The following MGAT4C variants were observed in gnomAD, a reference collection of about 807,000 sequenced individuals.
The protein encoded by MGAT4C is MGAT4 family member C.
MGAT4C carries 19 observed loss-of-function variants against 40.1 expected under a neutral mutation model. The ratio of observed to expected loss-of-function variants is 0.47; its 90% CI spans 0.33 to 0.70. The LOEUF (loss-of-function observed/expected upper bound fraction) is 0.70, where lower values mean the gene tolerates loss of function less well. Among genes scored for constraint, MGAT4C ranks in the 30% least tolerant of loss-of-function variants. MGAT4C has a pLI of 0.02. For missense variants in MGAT4C, 491 were observed against 563.2 expected (o/e 0.87, Z 1.30); for synonymous variants, 181 against 187.1 (o/e 0.97, Z 0.27).
At chr12:86,158,235 T>A (rs1885193924) in intron 1 of MGAT4C, among the ~76,000 whole-genome samples, 1 of 152,152 alleles carries the variant, frequency 6.6e-6, no homozygotes, top group East Asian at 1.9e-4. Flanking sequence ...ATTAATGTAG[T>A]CTATGTCCTA....
chr12:86,443,205 TAC>T lies in MGAT4C; in HGVS notation c.-228-7942_-228-7941del, dbSNP rs199586329. On this transcript the variant is annotated intron_variant, in intron 2 of 7. Transcript: ENST00000548651. ...ATATATGTGTGTGTGTGTATATATATACACACACACACACACATATATACACA... is the reference window on the plus strand; with the variant it reads ...ATATATGTGTGTGTGTGTATATATATACACACACACACACATATATACACA... 8.5e-4 allele frequency among the ~76,000 whole-genome samples: 128 copies of T among 150,350 alleles called. 1 individual carries two copies. In the East Asian group the frequency reaches 0.015, roughly 17 times the overall value.
chr12:86,576,854 T>C (rs1960580646), intron 2 of MGAT4C, among the ~76,000 whole-genome samples: 1 of 151,902 alleles, frequency 6.6e-6, no homozygotes, highest in South Asian at 2.1e-4. Context: ...TCTATTTCTA[T>C]AAAGAATATC....
chr12:86,673,431 C>T (rs1964311461), intron 2 of MGAT4C, among the ~76,000 whole-genome samples: 1 of 152,094 alleles, frequency 6.6e-6, no homozygotes, highest in African/African-American at 2.4e-5. Context: ...CCTGAGTAAG[C>T]ATAACACACA....
chr12:86,488,940 C>G (rs182136674), intron 2 of MGAT4C, among the ~76,000 whole-genome samples: 31 of 152,230 alleles, frequency 2.0e-4, no homozygotes, highest in African/African-American at 7.2e-4. Context: ...CCTGGCAAAA[C>G]CCCACCTTCA....
chr12:86,692,372 C>T lies in MGAT4C; in HGVS notation c.-229+34837G>A, dbSNP rs1240334426. On this transcript the variant is annotated intron_variant, in intron 2 of 7. Transcript: ENST00000548651. The stretch of plus-strand genomic sequence containing the variant: ...ATTATATTGAAATTATCAAAACCAC[C>T]AACTACTTAGAAAGAAATGTAATAC... Among the ~76,000 whole-genome samples, 3 of 152,142 alleles carry T rather than the reference C, an allele frequency of 2.0e-5. No individual in the cohort carries two copies. In the East Asian group the frequency reaches 5.8e-4, roughly 29 times the overall value.
intron 1 of MGAT4C, among the ~76,000 whole-genome samples, chr12:86,751,338 T>C (rs1321930282): frequency 1.3e-5 from 2 of 152,028 alleles, no homozygotes; most frequent in Non-Finnish European, 2.9e-5. Flanking sequence ...ATTTCTTATG[T>C]CTATCAACTT....
At chr12:85,981,501 C>T (rs767730712) in intron 4 of MGAT4C, among the ~76,000 whole-genome samples, 52 of 152,174 alleles carry the variant, frequency 3.4e-4, no homozygotes, top group Admixed American at 1.2e-3. Context: ...GTTTAAATAC[C>T]TTGGCTTACA....
At chr12:86,143,202 C>A (rs910278372) in intron 1 of MGAT4C, among the ~76,000 whole-genome samples, 1 of 152,120 alleles carries the variant, frequency 6.6e-6, no homozygotes, top group Non-Finnish European at 1.5e-5. Context: ...CCAATATTTA[C>A]CTGGGATCCT....
chr12:86,382,852 G>T (rs1955969004), intron 3 of MGAT4C, among the ~76,000 whole-genome samples: 1 of 152,240 alleles, frequency 6.6e-6, no homozygotes, highest in Admixed American at 6.5e-5. Flanking sequence ...GGGTTTGGGA[G>T]CCTTTGGCTT....
intron 2 of MGAT4C, among the ~76,000 whole-genome samples, chr12:86,023,421 A>C (rs1039190945): frequency 2.6e-5 from 4 of 151,536 alleles, no homozygotes; most frequent in Non-Finnish European, 5.9e-5. Flanking sequence ...TTTCTTACTT[A>C]ATTTTGATTC....
chr12:86,708,468 C>T (rs967495422), intron 2 of MGAT4C, among the ~76,000 whole-genome samples: 2 of 152,198 alleles, frequency 1.3e-5, no homozygotes, highest in Non-Finnish European at 2.9e-5. Flanking sequence ...GGAGCTCCCA[C>T]ACAGAATCCC....
At chr12:86,338,248 C>T (rs149992037) in intron 3 of MGAT4C, among the ~76,000 whole-genome samples, 4 of 152,184 alleles carry the variant, frequency 2.6e-5, no homozygotes, top group African/African-American at 9.6e-5. Context: ...CATAGGGAGT[C>T]AAAGCTGTCT....
intron 3 of MGAT4C, among the ~76,000 whole-genome samples, chr12:86,379,024 A>G (rs1241208707): frequency 6.6e-6 from 1 of 152,156 alleles, no homozygotes; most frequent in Non-Finnish European, 1.5e-5. Flanking sequence ...TCTAAACATC[A>G]TATTGTATTC....
chr12:86,251,179 G>A (rs74736065), intron 1 of MGAT4C, among the ~76,000 whole-genome samples: 4,684 of 148,060 alleles, frequency 0.032, 131 homozygotes, highest in African/African-American at 0.075. Flanking sequence ...TGAAAAGGGT[G>A]GAACAACAAA....
intron 1 of MGAT4C, among the ~76,000 whole-genome samples, chr12:86,226,645 G>A (rs576183814): frequency 6.6e-6 from 1 of 151,828 alleles, no homozygotes; most frequent in African/African-American, 2.4e-5. Context: ...TACATTCATA[G>A]TCAGCTATAT....
intron 2 of MGAT4C, among the ~76,000 whole-genome samples, chr12:86,039,353 C>T (rs751468395): frequency 5.3e-5 from 8 of 152,182 alleles, no homozygotes; most frequent in African/African-American, 1.9e-4. Context: ...CTTTCAGGTA[C>T]ACCTATCAAA....
At chr12:85,982,669 T>A (rs1298742560) in intron 4 of MGAT4C, among the ~76,000 whole-genome samples, 1 of 152,190 alleles carries the variant, frequency 6.6e-6, no homozygotes, top group African/African-American at 2.4e-5. Flanking sequence ...GCTCCAAATA[T>A]ATTTTTTTAA....
At chr12:86,005,600 T>C (rs533003730) in intron 2 of MGAT4C, among the ~76,000 whole-genome samples, 8 of 152,254 alleles carry the variant, frequency 5.3e-5, no homozygotes, top group Admixed American at 1.3e-4. Context: ...CCAGGGAAGA[T>C]GGGCTATCTT....
At chr12:86,365,026 G>A (rs968731922) in intron 3 of MGAT4C, among the ~76,000 whole-genome samples, 1 of 152,048 alleles carries the variant, frequency 6.6e-6, no homozygotes, top group African/African-American at 2.4e-5. Flanking sequence ...GAATTTCCTC[G>A]TCCTAATACG....
Sources: allele counts gnomAD v4.1 joint callset (sites outside exome capture counted in the v4.1 genomes callset), GRCh38; gene constraint gnomAD v4.1.1; transcripts MANE v1.5; gene names NCBI Gene and HGNC (gene_info 2026-07-23, HGNC 2026-07-21).